Variants in ADIG observed in about 807,000 individuals in gnomAD.
ADIG encodes adipogenesis associated.
In ADIG, 12 loss-of-function variants were observed where a neutral mutation model predicts 10.7. That is an observed-to-expected ratio of 1.12 (90% CI 0.72 to 1.82). The LOEUF (loss-of-function observed/expected upper bound fraction) is 1.82, where lower values mean the gene tolerates loss of function less well. ADIG is among the 40% of genes most tolerant of loss of function. The probability of loss-of-function intolerance (pLI) is 0.00; values close to 1 mark genes in which losing one functional copy is unlikely to be tolerated. For synonymous variants in ADIG, 32 were observed against 35.6 expected (o/e 0.90, Z 0.36); for missense variants, 72 against 92.5 (o/e 0.78, Z 0.91).
chr20:38,585,603 G>T (rs2088629312), intron 1 of ADIG: 2 of 1,400,350 alleles, frequency 1.4e-6, no homozygotes, highest in Non-Finnish European at 2.0e-6. Flanking sequence ...GTGTTTTATT[G>T]TTCGTGTGTG....
intron 2 of ADIG, among the ~76,000 whole-genome samples, chr20:38,587,199 G>C (rs2088644673): frequency 6.6e-6 from 1 of 152,094 alleles, no homozygotes; most frequent in Non-Finnish European, 1.5e-5. Flanking sequence ...GAACCCGGGA[G>C]CCAGCCTCTC....
chr20:38,582,177 A>G (rs1569000086), intron 1 of ADIG, among the ~76,000 whole-genome samples: 1 of 152,184 alleles, frequency 6.6e-6, no homozygotes, highest in Admixed American at 6.5e-5. Context: ...TGGGAAGCCA[A>G]GGTGGCCAGG....
intron 1 of ADIG, 86 bp from the exon 2 acceptor site, chr20:38,585,943 C>T: frequency 1.5e-6 from 2 of 1,356,312 alleles, no homozygotes; most frequent in Non-Finnish European, 2.0e-6. Context: ...GCAGGGATAC[C>T]CAGGCCTGGC....
At chr20:38,585,480 C>T (rs2088628275) in intron 1 of ADIG, 1 of 1,550,422 alleles carries the variant, frequency 6.4e-7, no homozygotes, top group Non-Finnish European at 8.7e-7. Flanking sequence ...AACATTTTAA[C>T]AGCTTCATGA....
chr20:38,582,287 C>T (rs1046274899), intron 1 of ADIG, among the ~76,000 whole-genome samples: 1 of 152,162 alleles, frequency 6.6e-6, no homozygotes, highest in Non-Finnish European at 1.5e-5. Flanking sequence ...GTCCCAGCTA[C>T]TGAGGAGGCT....
Position 38,586,143 on chromosome 20 carries a change from G to A in ADIG, c.239G>A (p.Trp80Ter), listed in dbSNP as rs1225977818. The part of the protein sequence containing the change: ...LHGQEKERPC[W>*] ...GGCCAAGAGAAGGAGAGGCCCTGCTGGTGAGCCTGCTGTGCCAGGTGAGGC... is the reference window on the plus strand; with the variant it reads ...GGCCAAGAGAAGGAGAGGCCCTGCTAGTGAGCCTGCTGTGCCAGGTGAGGC... The change falls in exon 2 of 3, where the codon TGG becomes TAG. Residue 80 changes from tryptophan to a stop codon, truncating the protein, a stop_gained. Transcript: ENST00000537425. LOFTEE classifies it high-confidence loss of function. 6.3e-7 allele frequency: 1 copy of A among 1,589,048 alleles called. No individual in the cohort carries two copies. The highest frequency in any genetic ancestry group is 2.3e-5 in the East Asian group (1 of 43,674).
rs199913299 is a variant in ADIG at position 38,583,972 on chromosome 20, G to GAC, written c.125-2054_125-2053dup. Reference sequence around the variant, plus strand: ...AGGGTTTGGGGGGCTAAGGGGTCAGGACACCCAGACCTGCAGTTTTCTATT... The same window carrying GAC: ...AGGGTTTGGGGGGCTAAGGGGTCAGGACACACCCAGACCTGCAGTTTTCTATT... On this transcript the variant is annotated intron_variant, in intron 1 of 2. Coordinates refer to ENST00000537425, the MANE Select transcript of ADIG (RefSeq NM_001393816.1). Among the ~76,000 whole-genome samples, 1,501 of 152,160 alleles carry GAC rather than the reference G, an allele frequency of 9.9e-3. 10 individuals are homozygous for GAC. The highest frequency in any genetic ancestry group is 0.014 in the Non-Finnish European group (973 of 68,014).
intron 1 of ADIG, among the ~76,000 whole-genome samples, chr20:38,583,986 C>G (rs758398185): frequency 6.6e-6 from 1 of 152,094 alleles, no homozygotes; most frequent in Non-Finnish European, 1.5e-5. Flanking sequence ...CCCAGACCTG[C>G]AGTTTTCTAT....
intron 1 of ADIG, 66 bp downstream of exon 1, chr20:38,581,440 A>G (rs1051466545): frequency 1.2e-6 from 2 of 1,605,364 alleles, no homozygotes; most frequent in South Asian, 2.2e-5. Flanking sequence ...CAAATAGGCC[A>G]GTGTGTCCTG....
intron 1 of ADIG, chr20:38,585,657 C>G: frequency 1.1e-6 from 1 of 928,784 alleles, no homozygotes; most frequent in Admixed American, 2.7e-5. Context: ...ATCATTGTGC[C>G]TTTGTACTCA....
chr20:38,587,744 T>C (rs1389678474), intron 2 of ADIG, among the ~76,000 whole-genome samples: 2 of 150,608 alleles, frequency 1.3e-5, no homozygotes. Flanking sequence ...TTTTCCCTTT[T>C]TTTTTTTTTT....
Position 38,584,551 on chromosome 20 carries a change from C to T in ADIG, c.125-1478C>T, listed in dbSNP as rs536738207. 2.4e-4 allele frequency among the ~76,000 whole-genome samples: 36 copies of T among 152,292 alleles called. No homozygotes were observed. The South Asian group carries it at 6.8e-3, about 29-fold the overall frequency. Reference sequence around the variant, plus strand: ...TGAGTCCAAACACACCCAATGGAACCGTGGAGTGGGGAGGCTGAATTTGCA... The same window carrying T: ...TGAGTCCAAACACACCCAATGGAACTGTGGAGTGGGGAGGCTGAATTTGCA... On this transcript the variant is annotated intron_variant, in intron 1 of 2. Transcript: ENST00000537425.
chr20:38,585,689 T>A, intron 1 of ADIG: 1 of 709,040 alleles, frequency 1.4e-6, no homozygotes, highest in Non-Finnish European at 2.3e-6. Flanking sequence ...ATGAATGAAC[T>A]AGTGGACTAG....
chr20:38,588,192 G>A lies in ADIG; in HGVS notation c.*106G>A, dbSNP rs540293153. The A allele has an allele frequency of 5.1e-5, 67 of 1,304,744 alleles. 1 individual carries two copies. The South Asian group carries it at 7.0e-4, about 14-fold the overall frequency. 80.8% of individuals were successfully genotyped at this position (1,304,744 alleles called of 1,614,324 possible). A position where few individuals can be genotyped will look rare whatever the true frequency, so the allele number is the denominator to read the frequency against. The stretch of plus-strand genomic sequence containing the variant: ...AGGCAAGAGGACTTTGGCAACTGTG[G>A]TGCCTCCCTGGAACCCCCAACTCAT... On this transcript the variant is annotated 3_prime_UTR_variant, in exon 3 of 3. Coordinates refer to ENST00000537425, the MANE Select transcript of ADIG (RefSeq NM_001393816.1).
intron 1 of ADIG, chr20:38,585,648 T>C: frequency 1.0e-6 from 1 of 992,442 alleles, no homozygotes; most frequent in Middle Eastern, 2.7e-4. Context: ...ACAGTGGAGA[T>C]CATTGTGCCT....
In ADIG at chr20:38,584,091, C is replaced by T. The variant is rs186019780; in HGVS notation, c.125-1938C>T. Among the ~76,000 whole-genome samples the T allele has an allele frequency of 6.8e-4, 103 of 152,246 alleles. 2 individuals are homozygous for T. The highest frequency in any genetic ancestry group is 2.4e-3 in the African/African-American group (99 of 41,546). ...CTGCCGCCTCCTCCCCACCACCCCCCAACACTCCTGCTGGCTCCTCAGGGC... is the reference window on the plus strand; with the variant it reads ...CTGCCGCCTCCTCCCCACCACCCCCTAACACTCCTGCTGGCTCCTCAGGGC... On this transcript the variant is annotated intron_variant, in intron 1 of 2. Coordinates refer to ENST00000537425, the MANE Select transcript of ADIG (RefSeq NM_001393816.1).
In ADIG at chr20:38,588,167, AG is replaced by A; in HGVS notation, c.*83del. 7.7e-7 allele frequency: 1 copy of A among 1,300,346 alleles called. No homozygotes were observed. Among genetic ancestry groups the A allele is most frequent in the Non-Finnish European group, 1.0e-6 (1 of 987,156 alleles). The allele number at this position is 1,300,346 out of a possible 1,614,324, so 80.6% of individuals were successfully genotyped here. ...AGTGGATGGGAGAGACTTGCCAGGG[AG>A]GCAAGAGGACTTTGGCAACTGTGGT... On this transcript the variant is annotated 3_prime_UTR_variant, in exon 3 of 3. Transcript: ENST00000537425.
intron 1 of ADIG, chr20:38,585,561 T>G: frequency 3.9e-6 from 6 of 1,535,356 alleles, no homozygotes; most frequent in Non-Finnish European, 5.3e-6. Context: ...CCCAGATCTC[T>G]CGTGATCTGT....
chr20:38,585,331 A>G, intron 1 of ADIG: 4 of 1,276,640 alleles, frequency 3.1e-6, no homozygotes, highest in Non-Finnish European at 4.4e-6. Context: ...CAAACTCATT[A>G]ACGTGTGCAG....
Sources: gnomAD v4.1 joint callset for allele counts (sites outside exome capture counted in the v4.1 genomes callset) on GRCh38, gnomAD v4.1.1 for gene constraint, MANE v1.5 for transcripts, NCBI Gene and HGNC (gene_info 2026-07-23, HGNC 2026-07-21) for gene names.